Variants in ELP4 observed in about 807,000 individuals in gnomAD.
ELP4 encodes the protein elongator acetyltransferase complex subunit 4, also known as elongator complex protein 4.
In ELP4, 51 loss-of-function variants were observed where a neutral mutation model predicts 48.9. The observed-to-expected ratio is 1.04, with a 90% CI of 0.83 to 1.32. The LOEUF (loss-of-function observed/expected upper bound fraction) is 1.32. Ranked by LOEUF, ELP4 falls within the 40% of genes most tolerant of loss-of-function variation. ELP4 has a pLI of 0.00. For missense variants in ELP4, 519 were observed against 514.6 expected, an observed-to-expected ratio of 1.01 and a Z score of -0.08; for synonymous variants, 210 against 189.2, an observed-to-expected ratio of 1.11 and a Z score of -0.90.
chr11:31,689,444 T>TA (rs35318641), intron 9 of ELP4: 152 of 132,490 alleles, frequency 1.1e-3, no homozygotes, highest in Admixed American at 2.8e-3. Context: ...AACCTGTCTT[T>TA]AAAAAAAAAA....
At chr11:31,714,083 C>T (rs147553017) in intron 9 of ELP4, among the ~76,000 whole-genome samples, 199 of 152,118 alleles carry the variant, frequency 1.3e-3, no homozygotes, top group Non-Finnish European at 2.2e-3. Flanking sequence ...ATAGAAAAGA[C>T]CAGCACTGTA....
chr11:31,745,979 T>C (rs373707602), intron 9 of ELP4, among the ~76,000 whole-genome samples: 14 of 152,182 alleles, frequency 9.2e-5, no homozygotes, highest in Middle Eastern at 3.2e-3. Context: ...AGAAAATTTT[T>C]GCAACCTACT....
intron 2 of ELP4, among the ~76,000 whole-genome samples, chr11:31,526,084 G>A (rs1181904029): frequency 6.6e-6 from 1 of 152,048 alleles, no homozygotes; most frequent in Non-Finnish European, 1.5e-5. Context: ...ACTGTGTGCT[G>A]GGCATCATGC....
intron 9 of ELP4, among the ~76,000 whole-genome samples, chr11:31,766,732 A>T (rs1948050117): frequency 6.6e-6 from 1 of 152,048 alleles, no homozygotes; most frequent in South Asian, 2.1e-4. Flanking sequence ...ATAATTGAAG[A>T]TGCCTGTTAT....
chr11:31,549,338 A>G (rs373285014), intron 3 of ELP4, among the ~76,000 whole-genome samples: 1 of 152,192 alleles, frequency 6.6e-6, no homozygotes, highest in Non-Finnish European at 1.5e-5. Context: ...ACATGAACAG[A>G]CACTTCTCAA....
At position 31,748,340 on chromosome 11, in the gene ELP4, G is replaced by A. The variant is rs1184368252; in HGVS notation, c.1144-35053G>A. On this transcript the variant is annotated intron_variant, in intron 9 of 9. Transcript: ENST00000640961. ...GCTCACTGCAACCTCCGCCTCTCAGGTTCACGCTATTTTCCTGCCTCAGCT... is the reference window on the plus strand; with the variant it reads ...GCTCACTGCAACCTCCGCCTCTCAGATTCACGCTATTTTCCTGCCTCAGCT... 2.0e-5 allele frequency among the ~76,000 whole-genome samples: 3 copies of A among 151,620 alleles called. No individual in the cohort carries two copies. In the East Asian group the frequency reaches 5.8e-4, roughly 29 times the overall value.
intron 2 of ELP4, among the ~76,000 whole-genome samples, chr11:31,533,059 A>T (rs1022475450): frequency 6.6e-6 from 1 of 152,088 alleles, no homozygotes; most frequent in East Asian, 1.9e-4. Flanking sequence ...TACAGGCATG[A>T]GCCACTGTGC....
Position 31,548,768 on chromosome 11 carries a change from G to A in ELP4, c.381+8985G>A, listed in dbSNP as rs1240851663. ...AGGCTACAGTAACCAAAACAGCATG[G>A]TACTGGTACCAAAACAGAGATATAG... On this transcript the variant is annotated intron_variant, in intron 3 of 9. Coordinates refer to ENST00000640961, the MANE Select transcript of ELP4 (RefSeq NM_019040.5). Among the ~76,000 whole-genome samples, 84 of 152,184 alleles carry A rather than the reference G, an allele frequency of 5.5e-4. No homozygotes were observed. The South Asian group carries it at 0.014, about 26-fold the overall frequency.
intron 9 of ELP4, chr11:31,687,817 A>G (rs1009606272): frequency 9.2e-5 from 14 of 152,202 alleles, no homozygotes; most frequent in African/African-American, 3.4e-4. Context: ...GTATTTTTCT[A>G]TAATTAATCA....
chr11:31,626,270 C>G (rs552491810), intron 5 of ELP4, among the ~76,000 whole-genome samples: 1 of 151,916 alleles, frequency 6.6e-6, no homozygotes, highest in East Asian at 1.9e-4. Context: ...CACAGTAAAG[C>G]AAATACTTGC....
At chr11:31,581,702 A>G (rs1264112857) in intron 3 of ELP4, among the ~76,000 whole-genome samples, 3 of 151,432 alleles carry the variant, frequency 2.0e-5, no homozygotes, top group Non-Finnish European at 2.9e-5. Flanking sequence ...CAGGGTGTCA[A>G]CCTCCTAAAC....
chr11:31,744,076 C>T (rs1947521476), intron 9 of ELP4, among the ~76,000 whole-genome samples: 1 of 152,180 alleles, frequency 6.6e-6, no homozygotes, highest in African/African-American at 2.4e-5. Context: ...ACCGATCCCA[C>T]AGAAATACAA....
At chr11:31,708,434 A>G (rs191390781) in intron 9 of ELP4, among the ~76,000 whole-genome samples, 13 of 152,314 alleles carry the variant, frequency 8.5e-5, no homozygotes, top group African/African-American at 3.1e-4. Flanking sequence ...ATACACATTT[A>G]AGATTATCTG....
intron 2 of ELP4, among the ~76,000 whole-genome samples, chr11:31,525,472 A>G (rs1440597518): frequency 2.0e-5 from 3 of 152,228 alleles, no homozygotes; most frequent in African/African-American, 7.2e-5. Context: ...AAAAAGACTT[A>G]AATTGAATCA....
At chr11:31,565,812 C>A (rs976157279) in intron 3 of ELP4, among the ~76,000 whole-genome samples, 1 of 152,144 alleles carries the variant, frequency 6.6e-6, no homozygotes, top group African/African-American at 2.4e-5. Context: ...TAGCATGATG[C>A]CTGCAGCTTT....
chr11:31,573,682 A>G (rs1404812944), intron 3 of ELP4: 2 of 152,132 alleles, frequency 1.3e-5, no homozygotes, highest in African/African-American at 2.4e-5. Context: ...AGTTATTTTC[A>G]AACAACCCTT....
At chr11:31,746,135 A>G (rs2134230029) in intron 9 of ELP4, among the ~76,000 whole-genome samples, 3 of 152,374 alleles carry the variant, frequency 2.0e-5, no homozygotes, top group African/African-American at 7.2e-5. Context: ...ACACATGAAA[A>G]AATGCTCATC....
chr11:31,575,813 C>T (rs1339307084), intron 3 of ELP4, among the ~76,000 whole-genome samples: 1 of 152,174 alleles, frequency 6.6e-6, no homozygotes, highest in Non-Finnish European at 1.5e-5. Context: ...AAAGGAACAA[C>T]CGGTACTAGC....
At chr11:31,629,232 A>G (rs1226964642) in intron 6 of ELP4, among the ~76,000 whole-genome samples, 2 of 152,016 alleles carry the variant, frequency 1.3e-5, no homozygotes, top group Non-Finnish European at 2.9e-5. Context: ...TACTTAGAAT[A>G]CCAGATTAAA....
Sources: allele counts gnomAD v4.1 joint callset (sites outside exome capture counted in the v4.1 genomes callset), GRCh38; gene constraint gnomAD v4.1.1; transcripts MANE v1.5; gene names NCBI Gene and HGNC (gene_info 2026-07-23, HGNC 2026-07-21).